Variants in AFG2A observed in about 807,000 individuals in gnomAD.
The protein encoded by AFG2A is AAA ATPase AFG2A, also known as ATPase family gene 2 protein homolog A.
chr4:123,270,636 A>C, the AFG2A span, among the ~76,000 whole-genome samples: 1 of 152,134 alleles, frequency 6.6e-6, no homozygotes, highest in Non-Finnish European at 1.5e-5. Flanking sequence ...CTTAAGCAGG[A>C]AAAAAAATAA....
chr4:123,149,155 A>T, the AFG2A span, among the ~76,000 whole-genome samples: 2 of 152,324 alleles, frequency 1.3e-5, no homozygotes, highest in African/African-American at 4.8e-5. Flanking sequence ...AATAAATTTG[A>T]TAAGTTACAG....
chr4:122,947,506 T>C, the AFG2A span: 1 of 1,578,886 alleles, frequency 6.3e-7, no homozygotes. Flanking sequence ...TGGTTTGCTA[T>C]GGTGAGTCTC....
the AFG2A span, among the ~76,000 whole-genome samples, chr4:123,217,379 TA>T: frequency 6.6e-6 from 1 of 152,204 alleles, no homozygotes; most frequent in African/African-American, 2.4e-5. Flanking sequence ...CATGATGATC[TA>T]AAGGAGTATT....
chr4:123,281,094 A>G, the AFG2A span, among the ~76,000 whole-genome samples: 7 of 152,044 alleles, frequency 4.6e-5, no homozygotes, highest in South Asian at 4.2e-4. Flanking sequence ...CTATAGCTGT[A>G]TTGTGTTTTT....
the AFG2A span, among the ~76,000 whole-genome samples, chr4:123,070,705 A>C: frequency 1.1e-4 from 17 of 152,150 alleles, no homozygotes; most frequent in Non-Finnish European, 2.4e-4. Flanking sequence ...GCATTTTGGG[A>C]AGAGGCAAAT....
At chr4:122,954,954 A>AC in the AFG2A span, among the ~76,000 whole-genome samples, 16 of 150,052 alleles carry the variant, frequency 1.1e-4, no homozygotes, top group African/African-American at 2.7e-4. Context: ...TCAGCCCGGG[A>AC]CCCCCCCTTG....
chr4:123,007,676 C>T, the AFG2A span, among the ~76,000 whole-genome samples: 45 of 113,866 alleles, frequency 4.0e-4, 1 homozygote, highest in Middle Eastern at 4.7e-3. Context: ...CATATATGGA[C>T]CTTCTGCAAA....
the AFG2A span, among the ~76,000 whole-genome samples, chr4:123,172,976 A>C: frequency 7.9e-5 from 12 of 152,306 alleles, no homozygotes; most frequent in Admixed American, 7.2e-4. Flanking sequence ...CACAAGGCCG[A>C]AAATGGAAAG....
the AFG2A span, among the ~76,000 whole-genome samples, chr4:123,287,675 G>A: frequency 2.0e-5 from 3 of 152,098 alleles, no homozygotes; most frequent in African/African-American, 7.2e-5. Context: ...CTAGGCACTA[G>A]CATCTAATAT....
chr4:123,178,665 G>A, the AFG2A span, among the ~76,000 whole-genome samples: 1 of 152,170 alleles, frequency 6.6e-6, no homozygotes, highest in Admixed American at 6.5e-5. Flanking sequence ...TTTGTTCTAT[G>A]TAGATAGGAT....
At chr4:123,093,105 C>A in the AFG2A span, among the ~76,000 whole-genome samples, 1 of 152,108 alleles carries the variant, frequency 6.6e-6, no homozygotes, top group Non-Finnish European at 1.5e-5. Context: ...ACAGGACAGG[C>A]CAGCCCCAGA....
the AFG2A span, among the ~76,000 whole-genome samples, chr4:123,248,073 C>G: frequency 0.043 from 6,550 of 150,622 alleles, 476 homozygotes; most frequent in African/African-American, 0.15. Context: ...GCTTTGCACA[C>G]AAAAAAAAAA....
the AFG2A span, among the ~76,000 whole-genome samples, chr4:123,178,050 C>T: frequency 1.3e-5 from 2 of 152,180 alleles, no homozygotes; most frequent in Non-Finnish European, 2.9e-5. Context: ...CTATAATTTA[C>T]ATGAATCTTC....
the AFG2A span, among the ~76,000 whole-genome samples, chr4:122,989,741 C>G: frequency 6.6e-6 from 1 of 152,148 alleles, no homozygotes; most frequent in Admixed American, 6.5e-5. Flanking sequence ...ATGCTTATGT[C>G]ATCCTTCTTC....
the AFG2A span, among the ~76,000 whole-genome samples, chr4:123,022,947 A>G: frequency 5.3e-5 from 8 of 151,000 alleles, no homozygotes; most frequent in Admixed American, 1.3e-4. Context: ...AAAAAACCAA[A>G]CACCGCATGT....
At chr4:123,255,468 C>G in the AFG2A span, among the ~76,000 whole-genome samples, 16 of 148,898 alleles carry the variant, frequency 1.1e-4, no homozygotes, top group African/African-American at 3.4e-4. Context: ...GCACTCCAGC[C>G]TGGGTGGCAG....
the AFG2A span, among the ~76,000 whole-genome samples, chr4:122,975,504 A>C: frequency 6.6e-6 from 1 of 152,144 alleles, no homozygotes; most frequent in African/African-American, 2.4e-5. Context: ...AAATTTTGTG[A>C]GTGGCTGCAG....
At chr4:123,247,186 G>A in the AFG2A span, among the ~76,000 whole-genome samples, 1 of 151,558 alleles carries the variant, frequency 6.6e-6, no homozygotes, top group South Asian at 2.1e-4. Flanking sequence ...ATCTCAAATG[G>A]GTTACTTATG....
At chr4:123,010,401 ATT>A in the AFG2A span, among the ~76,000 whole-genome samples, 5 of 151,558 alleles carry the variant, frequency 3.3e-5, no homozygotes, top group African/African-American at 7.3e-5. Context: ...GTTTTAATGT[ATT>A]TTTTTTTCCC....
Sources: gnomAD v4.1 joint callset for allele counts (sites outside exome capture counted in the v4.1 genomes callset) on GRCh38, gnomAD v4.1.1 for gene constraint, MANE v1.5 for transcripts, NCBI Gene and HGNC (gene_info 2026-07-23, HGNC 2026-07-21) for gene names.